Variants in PPFIBP1 observed in about 807,000 individuals in gnomAD.
The protein encoded by PPFIBP1 is liprin-beta-1.
Under a neutral mutation model 137.8 loss-of-function variants are expected in PPFIBP1, and 112 were observed. That is an observed-to-expected ratio of 0.81 (90% CI 0.70 to 0.95). PPFIBP1 has a LOEUF of 0.95. Ranked by LOEUF, PPFIBP1 falls within the 40% of genes least tolerant of loss-of-function variation. The probability of loss-of-function intolerance (pLI) is 0.00; values close to 1 mark genes in which losing one functional copy is unlikely to be tolerated. For synonymous variants in PPFIBP1, 378 were observed against 417.3 expected, an observed-to-expected ratio of 0.91 and a Z score of 1.15; for missense variants, 1,083 against 1,196.6, an observed-to-expected ratio of 0.91 and a Z score of 1.40.
intron 12 of PPFIBP1, among the ~76,000 whole-genome samples, chr12:27,664,685 C>T (rs1212764846): frequency 6.6e-6 from 1 of 151,930 alleles, no homozygotes; most frequent in Admixed American, 6.6e-5. Context: ...AGATAGCATT[C>T]CAGAGAGAGA....
intron 19 of PPFIBP1, chr12:27,677,393 C>T (rs2060587288): frequency 4.4e-6 from 2 of 457,272 alleles, no homozygotes; most frequent in Admixed American, 3.3e-5. Flanking sequence ...TGGCATTGTA[C>T]ATTGCAGCTC....
rs776028387 is a variant in PPFIBP1 at position 27,680,027 on chromosome 12, T to A, written c.1861T>A (p.Leu621Ile). 19 of 1,614,056 alleles carry A rather than the reference T, an allele frequency of 1.2e-5. No homozygotes were observed. Among genetic ancestry groups the A allele is most frequent in the Non-Finnish European group, 1.6e-5 (19 of 1,179,966 alleles). The change falls in exon 21 of 30, where the codon TTA becomes ATA. Residue 621 changes from leucine to isoleucine, a missense_variant. Physicochemically the swap from Leu to Ile is conservative, Grantham distance 5. Transcript: ENST00000228425. Reference sequence around the variant, plus strand: ...GACAAGGGCAACCGCGGGGCCCCGATTAGGTTGGTCTCGAGACTTGGGACA... The same window carrying A: ...GACAAGGGCAACCGCGGGGCCCCGAATAGGTTGGTCTCGAGACTTGGGACA... ...GGTRATAGPR[L>I]GWSRDLGQSN...
At chr12:27,543,929 G>A (rs1945945760) in intron 1 of PPFIBP1, among the ~76,000 whole-genome samples, 1 of 128,228 alleles carries the variant, frequency 7.8e-6, no homozygotes, top group South Asian at 2.4e-4. Context: ...TGTCCAGGCT[G>A]GAGTGCAGTG....
chr12:27,567,198 A>G (rs766587555), intron 1 of PPFIBP1, among the ~76,000 whole-genome samples: 8 of 152,246 alleles, frequency 5.3e-5, no homozygotes, highest in Non-Finnish European at 7.3e-5. Context: ...TACAGGCCCA[A>G]TAACTCAGGT....
At chr12:27,572,968 G>A (rs1194045089) in intron 1 of PPFIBP1, among the ~76,000 whole-genome samples, 1 of 152,042 alleles carries the variant, frequency 6.6e-6, no homozygotes, top group Non-Finnish European at 1.5e-5. Flanking sequence ...ATCCCACAAA[G>A]AAATAAGTTT....
chr12:27,657,440 C>T (rs58320816), intron 9 of PPFIBP1, among the ~76,000 whole-genome samples: 9,435 of 150,386 alleles, frequency 0.063, 380 homozygotes, highest in East Asian at 0.11. Context: ...TTTGTTATTA[C>T]GAATGATGAC....
rs373264036 is a variant in PPFIBP1 at position 27,624,751 on chromosome 12, G to C, written c.-35-8611G>C. Among the ~76,000 whole-genome samples, 229 of 152,274 alleles carry C rather than the reference G, an allele frequency of 1.5e-3. 4 individuals are homozygous for C. In the Middle Eastern group the frequency reaches 0.051, roughly 34 times the overall value. ...CTGTTCCATTTCCTGAATAGCGTGTGCATGTGTGTGTTTGTATTTGTGAGG... is the reference window on the plus strand; with the variant it reads ...CTGTTCCATTTCCTGAATAGCGTGTCCATGTGTGTGTTTGTATTTGTGAGG... On this transcript the variant is annotated intron_variant, in intron 2 of 29. Coordinates refer to ENST00000228425, the MANE Select transcript of PPFIBP1 (RefSeq NM_003622.4).
At chr12:27,544,255 T>A (rs1945987364) in intron 1 of PPFIBP1, among the ~76,000 whole-genome samples, 1 of 152,106 alleles carries the variant, frequency 6.6e-6, no homozygotes, top group Admixed American at 6.6e-5. Context: ...TAGGAGAGAA[T>A]GGACAAACAA....
intron 1 of PPFIBP1, among the ~76,000 whole-genome samples, chr12:27,549,716 C>G (rs1358328247): frequency 6.6e-6 from 1 of 152,122 alleles, no homozygotes; most frequent in Non-Finnish European, 1.5e-5. Flanking sequence ...TTAGGACCAG[C>G]TGGGGTCCTA....
At chr12:27,592,906 G>A (rs141113024) in intron 2 of PPFIBP1, among the ~76,000 whole-genome samples, 1,635 of 152,132 alleles carry the variant, frequency 0.011, 10 homozygotes, top group Middle Eastern at 0.017. Context: ...TTGGGAGGCC[G>A]AGGCATGTGG....
At chr12:27,598,315 G>A (rs142174476) in intron 2 of PPFIBP1, among the ~76,000 whole-genome samples, 36 of 152,280 alleles carry the variant, frequency 2.4e-4, no homozygotes, top group Non-Finnish European at 4.0e-4. Flanking sequence ...TTACATGGTG[G>A]CAGGCAAGAG....
intron 2 of PPFIBP1, among the ~76,000 whole-genome samples, chr12:27,597,827 G>A (rs1051463464): frequency 6.6e-6 from 1 of 151,924 alleles, no homozygotes; most frequent in Non-Finnish European, 1.5e-5. Flanking sequence ...TTTTTGAGAT[G>A]GAGTTTTGCT....
intron 2 of PPFIBP1, among the ~76,000 whole-genome samples, chr12:27,596,322 G>A (rs1248827565): frequency 6.6e-6 from 1 of 152,066 alleles, no homozygotes; most frequent in Non-Finnish European, 1.5e-5. Flanking sequence ...AGATGTTTAA[G>A]GAATTCTGAT....
rs1309297169 is a variant in PPFIBP1 at position 27,687,513 on chromosome 12, G to A, written c.2370+6G>A. On this transcript the variant is annotated splice_donor_region_variant and intron_variant, in intron 25 of 29. Transcript: ENST00000228425. ...GGAGGCGGCCATCTGATGAGGTAGT[G>A]TTTTAAGATTGAGGTTTATAAGCAT... 6.2e-7 allele frequency: 1 copy of A among 1,613,180 alleles called. No individual in the cohort carries two copies. The highest frequency in any genetic ancestry group is 1.1e-5 in the South Asian group (1 of 91,034).
At chr12:27,536,169 G>A (rs913838418) in intron 1 of PPFIBP1, among the ~76,000 whole-genome samples, 12 of 152,132 alleles carry the variant, frequency 7.9e-5, no homozygotes, top group Non-Finnish European at 1.5e-5. Flanking sequence ...TTGAAGTCTT[G>A]CTGAACTCCC....
At chr12:27,595,246 G>A (rs767642088) in intron 2 of PPFIBP1, among the ~76,000 whole-genome samples, 3 of 152,208 alleles carry the variant, frequency 2.0e-5, no homozygotes, top group East Asian at 1.9e-4. Flanking sequence ...ACGCGCGCGC[G>A]CACAAACACA....
At chr12:27,529,549 C>T (rs2135757154) in intron 1 of PPFIBP1, among the ~76,000 whole-genome samples, 1 of 152,266 alleles carries the variant, frequency 6.6e-6, no homozygotes, top group Admixed American at 6.5e-5. Flanking sequence ...CAAAAATTGG[C>T]CGAATGTGGT....
chr12:27,578,655 A>G (rs531129461), intron 2 of PPFIBP1, among the ~76,000 whole-genome samples: 412 of 152,230 alleles, frequency 2.7e-3, no homozygotes, highest in African/African-American at 9.0e-3. Flanking sequence ...AATATGAGGT[A>G]TTGGTTTCTC....
chr12:27,604,784 C>T (rs1050349243), intron 2 of PPFIBP1, among the ~76,000 whole-genome samples: 2 of 152,196 alleles, frequency 1.3e-5, no homozygotes. Context: ...GATAAAGACA[C>T]ACCCGAGACT....
Sources: allele counts gnomAD v4.1 joint callset (sites outside exome capture counted in the v4.1 genomes callset), GRCh38; gene constraint gnomAD v4.1.1; transcripts MANE v1.5; gene names NCBI Gene and HGNC (gene_info 2026-07-23, HGNC 2026-07-21).